The following MAP2K4 variants were observed in gnomAD, a reference collection of about 807,000 sequenced individuals.
MAP2K4 encodes dual specificity mitogen-activated protein kinase kinase 4.
In MAP2K4, 4 loss-of-function variants were observed where a neutral mutation model predicts 48.5. The observed-to-expected ratio is 0.08, with a 90% CI of 0.04 to 0.19. The LOEUF (loss-of-function observed/expected upper bound fraction) is 0.19. Among genes scored for constraint, MAP2K4 ranks in the 10% least tolerant of loss-of-function variants. MAP2K4 has a pLI of 1.00. For missense variants in MAP2K4, 258 were observed against 493.3 expected (o/e 0.52, Z 4.52); for synonymous variants, 166 against 173.1 (o/e 0.96, Z 0.32).
intron 1 of MAP2K4, among the ~76,000 whole-genome samples, chr17:12,035,021 T>C (rs1312666033): frequency 6.6e-6 from 1 of 152,164 alleles, no homozygotes; most frequent in Non-Finnish European, 1.5e-5. Flanking sequence ...TTGACAGTAT[T>C]TATTTTTGTA....
intron 1 of MAP2K4, among the ~76,000 whole-genome samples, chr17:12,039,162 C>G (rs532432833): frequency 6.6e-6 from 1 of 152,246 alleles, no homozygotes; most frequent in South Asian, 2.1e-4. Flanking sequence ...ATAAATTGCT[C>G]CAGGATTCTG....
At chr17:12,021,203 C>A (rs1598005519) in intron 1 of MAP2K4, 1 of 329,986 alleles carries the variant, frequency 3.0e-6, no homozygotes, top group Non-Finnish European at 5.4e-6. Context: ...CCGCATAGGC[C>A]CCGGCCGCGG....
chr17:12,079,622 C>T (rs1971127052), intron 2 of MAP2K4, among the ~76,000 whole-genome samples: 1 of 152,154 alleles, frequency 6.6e-6, no homozygotes, highest in African/African-American at 2.4e-5. Context: ...TTCTGATTTA[C>T]AAGTAATTTT....
chr17:12,035,582 A>G (rs1969568325), intron 1 of MAP2K4, among the ~76,000 whole-genome samples: 1 of 152,216 alleles, frequency 6.6e-6, no homozygotes. Flanking sequence ...TGAAATCATC[A>G]AAGGACTGAT....
chr17:12,026,445 A>G (rs1360074897), intron 1 of MAP2K4, among the ~76,000 whole-genome samples: 31 of 152,202 alleles, frequency 2.0e-4, no homozygotes, highest in Admixed American at 2.0e-3. Flanking sequence ...GAGAAACTTT[A>G]ATTGAGGCTT....
chr17:12,102,414 A>G (rs1409302941), intron 4 of MAP2K4, among the ~76,000 whole-genome samples: 1 of 152,156 alleles, frequency 6.6e-6, no homozygotes, highest in Non-Finnish European at 1.5e-5. Flanking sequence ...AATTTGTTAA[A>G]TTACTAAAAT....
chr17:12,116,959 C>T (rs954881592), intron 7 of MAP2K4, among the ~76,000 whole-genome samples: 4 of 152,096 alleles, frequency 2.6e-5, no homozygotes, highest in East Asian at 1.9e-4. Context: ...TGTCACTCTA[C>T]GTTATGAGGG....
rs1006139323 is a variant in MAP2K4 at position 12,037,353 on chromosome 17, T to C, written c.115+16352T>C. On this transcript the variant is annotated intron_variant, in intron 1 of 10. Coordinates refer to ENST00000353533, the MANE Select transcript of MAP2K4 (RefSeq NM_003010.4). Reference sequence around the variant, plus strand: ...GTTTACTGACCTGCTAAGAAGTGTCTGTAAATGATGATGTTTTGACTTTAT... The same window carrying C: ...GTTTACTGACCTGCTAAGAAGTGTCCGTAAATGATGATGTTTTGACTTTAT... Among the ~76,000 whole-genome samples, 15 of 152,282 alleles carry C rather than the reference T, an allele frequency of 9.9e-5. No homozygotes were observed. The East Asian group carries it at 2.3e-3, about 23-fold the overall frequency.
chr17:12,049,021 A>AG (rs1463064749), intron 1 of MAP2K4, among the ~76,000 whole-genome samples: 1 of 152,178 alleles, frequency 6.6e-6, no homozygotes, highest in African/African-American at 2.4e-5. Context: ...TAATTTAGGG[A>AG]GAAAAGAGAA....
intron 2 of MAP2K4, among the ~76,000 whole-genome samples, chr17:12,073,228 C>G (rs1970877200): frequency 2.0e-5 from 3 of 152,170 alleles, no homozygotes; most frequent in African/African-American, 7.2e-5. Context: ...CTTCTCCTGC[C>G]CACACTGGTA....
At chr17:12,131,845 C>G (rs1973036441) in intron 9 of MAP2K4, among the ~76,000 whole-genome samples, 1 of 152,034 alleles carries the variant, frequency 6.6e-6, no homozygotes, top group Admixed American at 6.6e-5. Context: ...CGACGAAGGA[C>G]TTTTACACAG....
intron 3 of MAP2K4, among the ~76,000 whole-genome samples, chr17:12,088,099 T>C (rs560849008): frequency 4.4e-4 from 67 of 152,306 alleles, no homozygotes; most frequent in Non-Finnish European, 8.4e-4. Flanking sequence ...TTTCCAACTT[T>C]GTATTACAAC....
chr17:12,118,434 A>G (rs1341961877), intron 7 of MAP2K4, among the ~76,000 whole-genome samples: 1 of 152,104 alleles, frequency 6.6e-6, no homozygotes, highest in Admixed American at 6.5e-5. Flanking sequence ...TATTATACTA[A>G]TCAAAAGGCC....
intron 7 of MAP2K4, among the ~76,000 whole-genome samples, chr17:12,116,658 C>T (rs1285085925): frequency 1.3e-5 from 2 of 152,096 alleles, no homozygotes; most frequent in East Asian, 3.9e-4. Flanking sequence ...AGACATCATT[C>T]TAGGCCTATA....
At position 12,107,943 on chromosome 17, in the gene MAP2K4, A is replaced by T. The variant is rs367933125; in HGVS notation, c.633+34A>T. The T allele has an allele frequency of 2.0e-6, 3 of 1,482,436 alleles. No individual in the cohort carries two copies. In the Admixed American group the frequency reaches 7.4e-5, roughly 36 times the overall value. 91.8% of individuals were successfully genotyped at this position (1,482,436 alleles called of 1,614,324 possible). ...CTGGTCTTTAAATTATTCATTGTGT[A>T]TATAGTTATATAGAGATGCTGCTGG... On this transcript the variant is annotated intron_variant, in intron 5 of 10. Coordinates refer to ENST00000353533, the MANE Select transcript of MAP2K4 (RefSeq NM_003010.4).
chr17:12,069,291 T>C (rs1377289524), intron 2 of MAP2K4, among the ~76,000 whole-genome samples: 1 of 152,158 alleles, frequency 6.6e-6, no homozygotes, highest in Non-Finnish European at 1.5e-5. Context: ...TGAAAACATG[T>C]AACCTATAGA....
intron 2 of MAP2K4, among the ~76,000 whole-genome samples, chr17:12,063,953 CAA>C (rs951264808): frequency 8.5e-5 from 9 of 106,168 alleles, no homozygotes; most frequent in South Asian, 3.3e-4. Context: ...GCTTGGGTGA[CAA>C]GAGCAAAATT....
At chr17:12,051,747 C>T (rs1970145758) in intron 1 of MAP2K4, among the ~76,000 whole-genome samples, 1 of 151,904 alleles carries the variant, frequency 6.6e-6, no homozygotes, top group Non-Finnish European at 1.5e-5. Flanking sequence ...TATTAATGTC[C>T]TATTTGCTTG....
Position 12,141,443 on chromosome 17 carries a change from T to C in MAP2K4, c.*183T>C. 1 of 610,864 alleles carries C rather than the reference T, an allele frequency of 1.6e-6. No homozygotes were observed. Among genetic ancestry groups the C allele is most frequent in the South Asian group, 1.9e-5 (1 of 51,740 alleles). 37.8% of individuals were successfully genotyped at this position (610,864 alleles called of 1,614,324 possible). On this transcript the variant is annotated 3_prime_UTR_variant, in exon 11 of 11. Coordinates refer to ENST00000353533, the MANE Select transcript of MAP2K4 (RefSeq NM_003010.4). ...GAACGTGCATCCTTGTAATACCTGA[T>C]TGATCACACAGTGTTAGTGCTGGTC...
Sources: gnomAD v4.1 joint callset for allele counts (sites outside exome capture counted in the v4.1 genomes callset) on GRCh38, gnomAD v4.1.1 for gene constraint, MANE v1.5 for transcripts, NCBI Gene and HGNC (gene_info 2026-07-23, HGNC 2026-07-21) for gene names.